RALYL: variants seen among roughly 807,000 people sequenced by gnomAD.
RALYL encodes RNA-binding Raly-like protein.
RALYL carries 29 observed loss-of-function variants against 35.1 expected under a neutral mutation model. The observed-to-expected ratio is 0.83, with a 90% CI of 0.61 to 1.13. RALYL has a LOEUF of 1.13. Ranked by LOEUF, RALYL falls within the 50% of genes most tolerant of loss-of-function variation. The probability of loss-of-function intolerance (pLI) is 0.00; values close to 1 mark genes in which losing one functional copy is unlikely to be tolerated. For missense variants in RALYL, 359 were observed against 360.4 expected (o/e 1.00, Z 0.03); for synonymous variants, 120 against 127.6 (o/e 0.94, Z 0.40).
intron 1 of RALYL, among the ~76,000 whole-genome samples, chr8:84,228,459 C>T (rs1286200854): frequency 6.6e-6 from 1 of 152,072 alleles, no homozygotes; most frequent in East Asian, 1.9e-4. Context: ...AGGGTATCAA[C>T]TGATAAAAAT....
At chr8:84,721,519 T>C (rs1028623130) in intron 2 of RALYL, among the ~76,000 whole-genome samples, 25 of 152,156 alleles carry the variant, frequency 1.6e-4, no homozygotes, top group African/African-American at 5.8e-4. Context: ...ACGTTCAGAA[T>C]TAAAACTTGT....
At chr8:84,335,709 C>CTTTTTTTTTT (rs548185561) in intron 1 of RALYL, among the ~76,000 whole-genome samples, 4 of 85,216 alleles carry the variant, frequency 4.7e-5, no homozygotes, top group Non-Finnish European at 6.2e-5. Context: ...GTTTTCTTAC[C>CTTTTTTTTTT]TTTTTTTTTT....
intron 2 of RALYL, among the ~76,000 whole-genome samples, chr8:84,753,690 G>A (rs1357041867): frequency 2.0e-5 from 3 of 152,076 alleles, no homozygotes; most frequent in Non-Finnish European, 4.4e-5. Flanking sequence ...ATTCCAGCCA[G>A]GTGAAGTGCT....
At chr8:84,651,475 A>C (rs1828812256) in intron 2 of RALYL, among the ~76,000 whole-genome samples, 1 of 151,994 alleles carries the variant, frequency 6.6e-6, no homozygotes, top group Non-Finnish European at 1.5e-5. Flanking sequence ...GCTGAAACAC[A>C]GAAATTTACT....
chr8:84,692,456 T>G (rs899499801), intron 2 of RALYL, among the ~76,000 whole-genome samples: 3 of 152,014 alleles, frequency 2.0e-5, no homozygotes, highest in African/African-American at 7.2e-5. Context: ...TTCTAATGTT[T>G]CAGCATAAAT....
At chr8:84,681,266 G>T (rs1387279158) in intron 2 of RALYL, among the ~76,000 whole-genome samples, 1 of 152,182 alleles carries the variant, frequency 6.6e-6, no homozygotes, top group Non-Finnish European at 1.5e-5. Flanking sequence ...TTGTAGTATA[G>T]TTTGAAGTCA....
intron 1 of RALYL, among the ~76,000 whole-genome samples, chr8:84,292,665 C>T (rs1266698140): frequency 6.6e-6 from 1 of 152,130 alleles, no homozygotes; most frequent in African/African-American, 2.4e-5. Flanking sequence ...GTCATCCTCA[C>T]TGCTACACTC....
intron 2 of RALYL, among the ~76,000 whole-genome samples, chr8:84,683,777 C>T (rs1836160157): frequency 6.6e-6 from 1 of 152,168 alleles, no homozygotes; most frequent in African/African-American, 2.4e-5. Flanking sequence ...ACCTCCGCCT[C>T]CTGATTTCAA....
intron 1 of RALYL, among the ~76,000 whole-genome samples, chr8:84,507,109 T>C (rs1281569333): frequency 6.6e-6 from 1 of 152,062 alleles, no homozygotes; most frequent in Non-Finnish European, 1.5e-5. Context: ...CACCACTGTT[T>C]CTACTCTGCA....
chr8:84,549,359 G>T (rs1310521433), intron 2 of RALYL, among the ~76,000 whole-genome samples: 3 of 152,142 alleles, frequency 2.0e-5, no homozygotes, highest in Non-Finnish European at 2.9e-5. Flanking sequence ...TTTCCCCATG[G>T]ATTGGTGTGA....
intron 2 of RALYL, among the ~76,000 whole-genome samples, chr8:84,610,212 A>G (rs1034360808): frequency 1.3e-5 from 2 of 151,946 alleles, no homozygotes; most frequent in Admixed American, 6.6e-5. Context: ...CCGGGATCCC[A>G]TTTAGACTAC....
At chr8:84,367,329 T>G (rs1563800040) in intron 1 of RALYL, among the ~76,000 whole-genome samples, 13 of 25,078 alleles carry the variant, frequency 5.2e-4, no homozygotes, top group African/African-American at 4.2e-3. Context: ...TTTTTTTTTT[T>G]TTTTTTTTTT....
chr8:84,339,605 C>T lies in RALYL; in HGVS notation c.-24+155181C>T, dbSNP rs138747335. Among the ~76,000 whole-genome samples, 1,053 of 151,980 alleles carry T rather than the reference C, an allele frequency of 6.9e-3. 14 individuals are homozygous for T. The highest frequency in any genetic ancestry group is 0.024 in the African/African-American group (1,011 of 41,468). On this transcript the variant is annotated intron_variant, in intron 1 of 8. Transcript: ENST00000521268. ...AATAATAGAAATAAAGTGTACAACA[C>T]ATGTAATGTTCTTGAATTATCCTGA...
intron 8 of RALYL, among the ~76,000 whole-genome samples, chr8:84,910,417 A>G (rs566252296): frequency 1.9e-3 from 288 of 152,240 alleles, no homozygotes; most frequent in Non-Finnish European, 2.5e-3. Flanking sequence ...CAACAGGGGT[A>G]CCTAAAATAC....
intron 2 of RALYL, among the ~76,000 whole-genome samples, chr8:84,550,189 T>A (rs2060620593): frequency 6.6e-6 from 1 of 152,108 alleles, no homozygotes; most frequent in Non-Finnish European, 1.5e-5. Context: ...AATTTTGTGT[T>A]AATCTGGGTC....
At chr8:84,595,763 G>GTTTTT (rs35714907) in intron 2 of RALYL, among the ~76,000 whole-genome samples, 35 of 120,202 alleles carry the variant, frequency 2.9e-4, no homozygotes, top group African/African-American at 9.5e-4. Flanking sequence ...AAAACCATAA[G>GTTTTT]TTTTTTTTTT....
chr8:84,861,726 A>T (rs1400509054), intron 5 of RALYL, among the ~76,000 whole-genome samples: 12 of 152,208 alleles, frequency 7.9e-5, no homozygotes, highest in African/African-American at 2.9e-4. Context: ...AGACTTTGTT[A>T]CTGAAAAGAT....
intron 1 of RALYL, among the ~76,000 whole-genome samples, chr8:84,467,261 C>A (rs9773691): frequency 0.056 from 8,496 of 151,870 alleles, 556 homozygotes; most frequent in African/African-American, 0.16. Context: ...ATCTTTCCTG[C>A]TTTCTCTTGT....
intron 2 of RALYL, among the ~76,000 whole-genome samples, chr8:84,696,135 A>T (rs1474419993): frequency 2.0e-5 from 3 of 151,858 alleles, no homozygotes; most frequent in Non-Finnish European, 4.4e-5. Flanking sequence ...TTTACTTAGC[A>T]TTACATCAAC....
Sources: gnomAD v4.1 joint callset for allele counts (sites outside exome capture counted in the v4.1 genomes callset) on GRCh38, gnomAD v4.1.1 for gene constraint, MANE v1.5 for transcripts, NCBI Gene and HGNC (gene_info 2026-07-23, HGNC 2026-07-21) for gene names.